The following NAB1 variants were observed in gnomAD, a reference collection of about 807,000 sequenced individuals.
NAB1 encodes the protein NGFI-A-binding protein 1.
Under a neutral mutation model 49.9 loss-of-function variants are expected in NAB1, and 25 were observed. The observed-to-expected ratio is 0.50, with a 90% CI of 0.37 to 0.70. The LOEUF (loss-of-function observed/expected upper bound fraction) is 0.70, where lower values mean the gene tolerates loss of function less well. NAB1 is among the 30% of genes least tolerant of loss of function. The pLI is 0.00. For missense variants in NAB1, 489 were observed against 575.9 expected, an observed-to-expected ratio of 0.85 and a Z score of 1.54; for synonymous variants, 198 against 215.6, an observed-to-expected ratio of 0.92 and a Z score of 0.71.
Position 190,670,444 on chromosome 2 carries a change from C to T in NAB1, c.938C>T (p.Thr313Ile). 1 of 1,613,654 alleles carries T rather than the reference C, an allele frequency of 6.2e-7. No individual in the cohort carries two copies. ...TCTCGAGAAGTCACCTATAAATATA[C>T]TTACAGAACCACCAAGTAAGTATTT... ...QISREVTYKYTYRTTKSKCGE... is the reference protein window; with the variant it reads ...QISREVTYKYIYRTTKSKCGE... Residue 313 changes from threonine (T) to isoleucine (I), a missense_variant, in exon 5 of 10, where the codon ACT becomes ATT. Transcript: ENST00000337386. This position sits in a 1 kb window ranked among gnomAD's most constrained non-coding sequence, Gnocchi z 5.3.
chr2:190,654,165 A>G lies in NAB1; in HGVS notation c.-196-1812A>G, dbSNP rs141310052. Among the ~76,000 whole-genome samples the G allele has an allele frequency of 1.8e-4, 27 of 152,304 alleles. No homozygotes were observed. The highest frequency in any genetic ancestry group is 6.5e-4 in the African/African-American group (27 of 41,578). ...AAAAGAGTAATGAAACCTAATTCCT[A>G]CCCTTGGGGTGCTTATAACCTAACA... On this transcript the variant is annotated intron_variant, in intron 2 of 9. Transcript: ENST00000337386. The surrounding 1 kb of genome is among the most constrained non-coding windows in gnomAD (Gnocchi z 5.6).
chr2:190,688,770 C>G (rs965886792), intron 9 of NAB1, among the ~76,000 whole-genome samples: 1 of 151,580 alleles, frequency 6.6e-6, no homozygotes, highest in Non-Finnish European at 1.5e-5. Context: ...CTTTTTCTTT[C>G]TTTCTTCCTT....
rs566866808 is a variant in NAB1, at chr2:190,675,634, C to G, written c.1005+2482C>G. 6.6e-6 allele frequency among the ~76,000 whole-genome samples: 1 copy of G among 152,334 alleles called. No homozygotes were observed. The highest frequency in any genetic ancestry group is 2.4e-5 in the African/African-American group (1 of 41,590). On this transcript the variant is annotated intron_variant, in intron 6 of 9. Coordinates refer to ENST00000337386, the MANE Select transcript of NAB1 (RefSeq NM_005966.4). The surrounding 1 kb of genome is among the most constrained non-coding windows in gnomAD (Gnocchi z 5.2). Reference sequence around the variant, plus strand: ...TTACTTTTCCCTGTGAATAACTCTTCTAACCCTTCCTAAATAAGACAAGCG... The same window carrying G: ...TTACTTTTCCCTGTGAATAACTCTTGTAACCCTTCCTAAATAAGACAAGCG...
chr2:190,656,727 G>T (rs1322673574), intron 3 of NAB1, among the ~76,000 whole-genome samples: 3 of 152,026 alleles, frequency 2.0e-5, no homozygotes, highest in African/African-American at 7.2e-5. Context: ...TATCTCAGAA[G>T]AATAAAATAT....
At chr2:190,660,793 A>G (rs1203853693) in intron 4 of NAB1, among the ~76,000 whole-genome samples, 1 of 152,182 alleles carries the variant, frequency 6.6e-6, no homozygotes, top group African/African-American at 2.4e-5. Context: ...ACTTATTTGT[A>G]TACTGGTCTG....
Position 190,654,673 on chromosome 2 carries a change from C to T in NAB1, c.-196-1304C>T, listed in dbSNP as rs548353822. On this transcript the variant is annotated intron_variant, in intron 2 of 9. Coordinates refer to ENST00000337386, the MANE Select transcript of NAB1 (RefSeq NM_005966.4). This position sits in a 1 kb window ranked among gnomAD's most constrained non-coding sequence, Gnocchi z 5.6. ...CTTTCTCTGCACTGGTGGAGAAGTT[C>T]GCAAATCTGTAAACTTGGCATTGCA... 2.0e-5 allele frequency among the ~76,000 whole-genome samples: 3 copies of T among 152,070 alleles called. No individual in the cohort carries two copies. The highest frequency in any genetic ancestry group is 3.9e-4 in the East Asian group (2 of 5,174).
At chr2:190,668,865 C>T (rs1399387683) in intron 4 of NAB1, among the ~76,000 whole-genome samples, 1 of 152,210 alleles carries the variant, frequency 6.6e-6, no homozygotes. Context: ...CTTATATATA[C>T]TGTTCGTCCC....
rs1693553658 is a variant in NAB1, at chr2:190,649,684, G to GGC, written c.-333-161_-333-160insCG. On this transcript the variant is annotated intron_variant, in intron 1 of 9. Coordinates refer to ENST00000337386, the MANE Select transcript of NAB1 (RefSeq NM_005966.4). The surrounding 1 kb of genome is among the most constrained non-coding windows in gnomAD (Gnocchi z 6.1). The stretch of plus-strand genomic sequence containing the variant: ...GGCTGGGGGCGTCACACGGCGCTCT[G>GGC]GGGGTGTGCGATGTGGGTTGTGCGC... 1.3e-5 allele frequency: 2 copies of GGC among 152,450 alleles called. No homozygotes were observed. Among genetic ancestry groups the GGC allele is most frequent in the African/African-American group, 4.8e-5 (2 of 41,424 alleles). 9.4% of individuals were successfully genotyped at this position (152,450 alleles called of 1,614,324 possible).
At chr2:190,660,027 G>GT (rs1694141206) in intron 4 of NAB1, 32 bp downstream of exon 4, 1 of 1,566,638 alleles carries the variant, frequency 6.4e-7, no homozygotes, top group Non-Finnish European at 8.7e-7. Context: ...TTCTGTGTGT[G>GT]TATGTGGCAT....
intron 4 of NAB1, among the ~76,000 whole-genome samples, chr2:190,664,545 CCTTCCTTCCTTCCTTT>C (rs1284708188): frequency 4.3e-5 from 6 of 141,082 alleles, no homozygotes; most frequent in Admixed American, 1.4e-4. Context: ...TTCCTTCCTT[CCTTCCTTCCTTCCTTT>C]CTTCCTCTCT....
intron 3 of NAB1, among the ~76,000 whole-genome samples, chr2:190,658,759 C>T (rs1694062580): frequency 6.6e-6 from 1 of 152,180 alleles, no homozygotes; most frequent in East Asian, 1.9e-4. Context: ...TTGCCTGGCA[C>T]AAAGTAAGTA....
Position 190,654,605 on chromosome 2 carries a change from G to A in NAB1, c.-196-1372G>A, listed in dbSNP as rs1693827964. On this transcript the variant is annotated intron_variant, in intron 2 of 9. Coordinates refer to ENST00000337386, the MANE Select transcript of NAB1 (RefSeq NM_005966.4). This position sits in a 1 kb window ranked among gnomAD's most constrained non-coding sequence, Gnocchi z 5.6. Reference sequence around the variant, plus strand: ...TAAGGAACAGAGAGAAGGCTGGAAAGATAGGCTTGGGTCTGGGATGCCTAT... The same window carrying A: ...TAAGGAACAGAGAGAAGGCTGGAAAAATAGGCTTGGGTCTGGGATGCCTAT... Among the ~76,000 whole-genome samples the A allele has an allele frequency of 6.6e-6, 1 of 151,406 alleles. No homozygotes were observed. Among genetic ancestry groups the A allele is most frequent in the South Asian group, 2.1e-4 (1 of 4,750 alleles).
At chr2:190,683,996 A>G (rs999491081) in intron 7 of NAB1, among the ~76,000 whole-genome samples, 169 bp downstream of exon 7, 11 of 152,232 alleles carry the variant, frequency 7.2e-5, no homozygotes, top group Non-Finnish European at 1.5e-4. Flanking sequence ...AGCAATAACA[A>G]CTTGGTTTGA....
At chr2:190,653,390 C>T (rs939757085) in intron 2 of NAB1, among the ~76,000 whole-genome samples, 1 of 152,182 alleles carries the variant, frequency 6.6e-6, no homozygotes, top group Non-Finnish European at 1.5e-5. Context: ...CTTAACTCTT[C>T]CCAAGGTTTT....
At chr2:190,656,839 C>T (rs1346961543) in intron 3 of NAB1, among the ~76,000 whole-genome samples, 1 of 151,880 alleles carries the variant, frequency 6.6e-6, no homozygotes, top group East Asian at 1.9e-4. Context: ...TTCCAGATTT[C>T]CTCATGTAAT....
rs1694507271 is a variant in NAB1, at chr2:190,666,182, C to T, written c.820-4144C>T. On this transcript the variant is annotated intron_variant, in intron 4 of 9. Coordinates refer to ENST00000337386, the MANE Select transcript of NAB1 (RefSeq NM_005966.4). This position sits in a 1 kb window ranked among gnomAD's most constrained non-coding sequence, Gnocchi z 5.6. The stretch of plus-strand genomic sequence containing the variant: ...AGAGGGGCCAGTAATGGTACCTAGC[C>T]CTCCCAGTGCTGGAAATGAAAGTCC... Among the ~76,000 whole-genome samples the T allele has an allele frequency of 6.6e-6, 1 of 151,984 alleles. No individual in the cohort carries two copies. The highest frequency in any genetic ancestry group is 1.5e-5 in the Non-Finnish European group (1 of 67,986).
chr2:190,659,654 C>T lies in NAB1; in HGVS notation c.478C>T (p.Leu160Phe). The T allele has an allele frequency of 6.2e-7, 1 of 1,613,908 alleles. No homozygotes were observed. The highest frequency in any genetic ancestry group is 8.5e-7 in the Non-Finnish European group (1 of 1,180,006). ...LALQSVGESRLWQGHHATESE... is the reference protein window; with the variant it reads ...LALQSVGESRFWQGHHATESE... ...ACTGCAGAGTGTTGGTGAGTCCAGA[C>T]TCTGGCAAGGCCACCATGCCACTGA... The change falls in exon 4 of 10, where the codon CTC becomes TTC. Residue 160 changes from leucine (L) to phenylalanine (F), a missense_variant. Physicochemically the swap from Leu to Phe is conservative, Grantham distance 22. This residue lies in a region of NAB1 where 204 missense variants were observed against 220.9 expected (regional missense o/e 0.92). Transcript: ENST00000337386. The surrounding 1 kb of genome is among the most constrained non-coding windows in gnomAD (Gnocchi z 6.2).
In NAB1 at chr2:190,677,108, T is replaced by TA. The variant is rs1336234522; in HGVS notation, c.1005+3957dup. The TA allele has an allele frequency of 2.0e-5, 3 of 152,204 alleles. No individual in the cohort carries two copies. Among genetic ancestry groups the TA allele is most frequent in the African/African-American group, 7.2e-5 (3 of 41,450 alleles). The allele number at this position is 152,204 out of a possible 1,614,324, so 9.4% of individuals were successfully genotyped here. A position where few individuals can be genotyped will look rare whatever the true frequency, so the allele number is the denominator to read the frequency against. ...CATGAAGGCTTGGGTGGAATGAAGT[T>TA]ATAATTCATTGACTTGTCTGATTTT... is the stretch of plus-strand genomic sequence containing the variant. On this transcript the variant is annotated intron_variant, in intron 6 of 9. Coordinates refer to ENST00000337386, the MANE Select transcript of NAB1 (RefSeq NM_005966.4). The surrounding 1 kb of genome is among the most constrained non-coding windows in gnomAD (Gnocchi z 5.6).
rs1453174900 is a variant in NAB1 at position 190,670,400 on chromosome 2, T to C, written c.894T>C (p.Phe298=). 6.2e-7 allele frequency: 1 copy of C among 1,614,076 alleles called. No homozygotes were observed. Among genetic ancestry groups the C allele is most frequent in the Non-Finnish European group, 8.5e-7 (1 of 1,179,956 alleles). The stretch of plus-strand genomic sequence containing the variant: ...TGCTGACAAGAAGAGATGAGCTTTT[T>C]GCCTTGGCTCGACAGATTTCTCGAG... ...NALLTRRDEL[F]ALARQISREV... is the part of the protein sequence containing the mutation. Residue 298 remains phenylalanine (F), a synonymous_variant, in exon 5 of 10, where the codon TTT becomes TTC. Coordinates refer to ENST00000337386, the MANE Select transcript of NAB1 (RefSeq NM_005966.4). The surrounding 1 kb of genome is among the most constrained non-coding windows in gnomAD (Gnocchi z 5.3).
Sources: gnomAD v4.1 joint callset for allele counts (sites outside exome capture counted in the v4.1 genomes callset) on GRCh38, gnomAD v4.1.1 for gene constraint, gnomAD v4.1.1 regional missense constraint, Gnocchi (gnomAD v3.1) non-coding constraint, MANE v1.5 for transcripts, NCBI Gene and HGNC (gene_info 2026-07-23, HGNC 2026-07-21) for gene names.